The following C18orf63 variants were observed in gnomAD, a reference collection of about 807,000 sequenced individuals.
C18orf63 encodes the protein chromosome 18 open reading frame 63, also known as uncharacterized protein C18orf63.
Under a neutral mutation model 75.3 loss-of-function variants are expected in C18orf63, and 50 were observed. That is an observed-to-expected ratio of 0.66 (90% CI 0.53 to 0.84). The LOEUF is 0.84. C18orf63 is among the 40% of genes least tolerant of loss of function. The probability of loss-of-function intolerance (pLI) is 0.00; values close to 1 mark genes in which losing one functional copy is unlikely to be tolerated. For synonymous variants in C18orf63, 232 were observed against 267.6 expected (o/e 0.87, Z 1.30); for missense variants, 732 against 800.2 (o/e 0.91, Z 1.03).
intron 11 of C18orf63, among the ~76,000 whole-genome samples, chr18:74,349,755 G>A (rs1984635549): frequency 1.3e-5 from 2 of 152,148 alleles, no homozygotes; most frequent in South Asian, 4.2e-4. Context: ...CTCCTCTATA[G>A]CAAGAGAATG....
intron 11 of C18orf63, among the ~76,000 whole-genome samples, chr18:74,344,020 TG>T (rs1025551601): frequency 5.9e-5 from 9 of 152,134 alleles, no homozygotes; most frequent in Non-Finnish European, 1.0e-4. Flanking sequence ...GATACTGTGC[TG>T]ACAGTATAAG....
chr18:74,317,633 TAAA>T (rs1984047745), intron 1 of C18orf63, among the ~76,000 whole-genome samples, 198 bp from the exon 2 acceptor site: 1 of 152,168 alleles, frequency 6.6e-6, no homozygotes, highest in Non-Finnish European at 1.5e-5. Flanking sequence ...TATATCTTAG[TAAA>T]ACTTGTACCA....
rs147655356 is a variant in C18orf63, at chr18:74,341,347, A to C, written c.612-685A>C. 8.5e-4 allele frequency among the ~76,000 whole-genome samples: 129 copies of C among 151,388 alleles called. 1 individual carries two copies. The East Asian group carries it at 0.02, about 23-fold the overall frequency. ...AGTAATTGCAGTTTTTGCTATTGAA[A>C]GTAATGGCAAAAATCGCAATTACTT... is the stretch of plus-strand genomic sequence containing the variant. On this transcript the variant is annotated intron_variant, in intron 8 of 13. Coordinates refer to ENST00000579455, the MANE Select transcript of C18orf63 (RefSeq NM_001174123.2).
At chr18:74,318,346 C>T (rs935935104) in intron 2 of C18orf63, among the ~76,000 whole-genome samples, 5 of 152,070 alleles carry the variant, frequency 3.3e-5, no homozygotes, top group African/African-American at 1.2e-4. Flanking sequence ...TACTGTTTTC[C>T]AGTAGGTATT....
intron 11 of C18orf63, among the ~76,000 whole-genome samples, chr18:74,349,416 A>AC (rs1260886020): frequency 6.6e-6 from 1 of 151,980 alleles, no homozygotes; most frequent in Non-Finnish European, 1.5e-5. Flanking sequence ...GGGGTCCCCA[A>AC]CCCCCCAGGT....
intron 12 of C18orf63, 53 bp from the exon 13 acceptor site, chr18:74,354,404 T>C: frequency 7.9e-7 from 1 of 1,262,338 alleles, no homozygotes; most frequent in Non-Finnish European, 1.1e-6. Flanking sequence ...CTAGAGCGAC[T>C]GTAAGTCTAT....
At chr18:74,335,511 T>G (rs1221315010) in intron 7 of C18orf63, among the ~76,000 whole-genome samples, 2 of 152,156 alleles carry the variant, frequency 1.3e-5, no homozygotes, top group African/African-American at 2.4e-5. Flanking sequence ...AATTAAATGT[T>G]TCTTAAAGGA....
rs1568241139 is a variant in C18orf63, at chr18:74,353,717, G to C, written c.1450G>C (p.Gly484Arg). ...GATCCAGCATGACAAACTGAATTTA[G>C]GTCCAGCTATAAAAAACCGTTATAG... is the stretch of plus-strand genomic sequence containing the variant. Reference protein sequence around the residue: ...SMIQHDKLNLGPAIKNRYSSN... With the variant: ...SMIQHDKLNLRPAIKNRYSSN... Residue 484 changes from glycine (G) to arginine (R), a missense_variant, in exon 12 of 14, where the codon GGT (glycine) becomes CGT (arginine). By Grantham distance (125) the Gly-to-Arg change is moderately radical. This residue lies in a region of C18orf63 where 495 missense variants were observed against 508.7 expected (regional missense o/e 0.97). Coordinates refer to ENST00000579455, the MANE Select transcript of C18orf63 (RefSeq NM_001174123.2). 5.2e-6 allele frequency: 8 copies of C among 1,535,960 alleles called. No homozygotes were observed. Among genetic ancestry groups the C allele is most frequent in the Non-Finnish European group, 7.0e-6 (8 of 1,146,834 alleles).
intron 3 of C18orf63, 92 bp downstream of exon 3, chr18:74,320,683 T>A (rs1984105882): frequency 5.5e-6 from 4 of 728,984 alleles, no homozygotes; most frequent in Non-Finnish European, 8.7e-6. Context: ...AGTTAAGATG[T>A]TTATGAGGAT....
chr18:74,343,710 A>ATC lies in C18orf63; in HGVS notation c.978+12_978+13dup. 1 of 1,485,542 alleles carries ATC rather than the reference A, an allele frequency of 6.7e-7. No homozygotes were observed. Among genetic ancestry groups the ATC allele is most frequent in the South Asian group, 1.3e-5 (1 of 77,008 alleles). The allele number at this position is 1,485,542 out of a possible 1,614,324, so 92.0% of individuals were successfully genotyped here. ...ACTAAACCTAATATACAGGTAAGAG[A>ATC]TCTCTTGTCCTATCTAGTTCTCCAA... On this transcript the variant is annotated intron_variant, in intron 11 of 13. Coordinates refer to ENST00000579455, the MANE Select transcript of C18orf63 (RefSeq NM_001174123.2).
At chr18:74,320,690 G>T in intron 3 of C18orf63, 99 bp downstream of exon 3, 1 of 676,470 alleles carries the variant, frequency 1.5e-6, no homozygotes, top group African/African-American at 1.8e-5. Flanking sequence ...ATGTTTATGA[G>T]GATTAATTGA....
At chr18:74,322,836 CT>C in intron 4 of C18orf63, 82 bp downstream of exon 4, 1 of 448,288 alleles carries the variant, frequency 2.2e-6, no homozygotes, top group South Asian at 5.8e-5. Context: ...CAAACAAAAA[CT>C]GGAGTATCTT....
At chr18:74,323,287 G>A (rs1984156187) in intron 4 of C18orf63, among the ~76,000 whole-genome samples, 2 of 152,194 alleles carry the variant, frequency 1.3e-5, no homozygotes, top group African/African-American at 4.8e-5. Context: ...AGAAGCAACA[G>A]CTGTTATTGC....
At chr18:74,341,270 CAAAAAAAAAAAAAAAAAAAA>C (rs58362707) in intron 8 of C18orf63, among the ~76,000 whole-genome samples, 2 of 58,986 alleles carry the variant, frequency 3.4e-5, no homozygotes, top group Non-Finnish European at 5.6e-5. Flanking sequence ...GACTCCGTCT[CAAAAAAAAAAAAAAAAAAAA>C]AAAAAAAAAA....
chr18:74,332,422 T>C (rs1369743552), intron 7 of C18orf63, among the ~76,000 whole-genome samples: 1 of 152,084 alleles, frequency 6.6e-6, no homozygotes, highest in African/African-American at 2.4e-5. Context: ...GGCTCCACAT[T>C]GGCTCAGCAC....
intron 7 of C18orf63, among the ~76,000 whole-genome samples, chr18:74,331,890 A>G (rs1022890647): frequency 3.3e-5 from 5 of 152,190 alleles, no homozygotes; most frequent in South Asian, 4.1e-4. Context: ...ACAAAGGACA[A>G]TGGATAAGTT....
At chr18:74,355,105 A>G (rs921708191) in intron 13 of C18orf63, among the ~76,000 whole-genome samples, 7 of 152,234 alleles carry the variant, frequency 4.6e-5, no homozygotes, top group Non-Finnish European at 7.3e-5. Context: ...GAACAAACAT[A>G]TTACTAAAAT....
chr18:74,325,413 T>A (rs1984191913), intron 4 of C18orf63, among the ~76,000 whole-genome samples: 2 of 152,238 alleles, frequency 1.3e-5, no homozygotes, highest in South Asian at 4.1e-4. Flanking sequence ...TGAATCTTTT[T>A]AAATTAATTG....
chr18:74,353,798 C>T lies in C18orf63; in HGVS notation c.1531C>T (p.Leu511=), dbSNP rs1303834279. The change falls in exon 12 of 14, where the codon CTG becomes TTG. Residue 511 remains leucine (L), a synonymous_variant. Transcript: ENST00000579455. ...NNLNQENSRP[L]QEKNTESSEN... is the part of the protein sequence containing the mutation. ...TTTAAATCAGGAGAATTCCAGACCT[C>T]TGCAAGAAAAAAATACAGAGTCTTC... 1 of 1,535,958 alleles carries T rather than the reference C, an allele frequency of 6.5e-7. No individual in the cohort carries two copies. The highest frequency in any genetic ancestry group is 8.7e-7 in the Non-Finnish European group (1 of 1,146,852).
Sources: allele counts gnomAD v4.1 joint callset (sites outside exome capture counted in the v4.1 genomes callset), GRCh38; gene constraint gnomAD v4.1.1; regional missense constraint gnomAD v4.1.1; transcripts MANE v1.5; gene names NCBI Gene and HGNC (gene_info 2026-07-23, HGNC 2026-07-21).